Variants in RASEF observed in about 807,000 individuals in gnomAD.
RASEF encodes the protein RAS and EF-hand domain containing, also known as ras and EF-hand domain-containing protein.
Under a neutral mutation model 90.1 loss-of-function variants are expected in RASEF, and 68 were observed. That is an observed-to-expected ratio of 0.75 (90% CI 0.62 to 0.92). RASEF has a LOEUF of 0.92. Among genes scored for constraint, RASEF ranks in the 40% least tolerant of loss-of-function variants. The pLI is 0.00. For synonymous variants in RASEF, 331 were observed against 345.2 expected, an observed-to-expected ratio of 0.96 and a Z score of 0.46; for missense variants, 949 against 937.2, an observed-to-expected ratio of 1.01 and a Z score of -0.16.
chr9:83,167,196 G>C, the RASEF span, among the ~76,000 whole-genome samples: 5 of 151,806 alleles, frequency 3.3e-5, no homozygotes, highest in East Asian at 7.8e-4. Context: ...CTCAAAATCA[G>C]GCAATTTAGG....
chr9:83,136,114 ATAACAG>A, the RASEF span, among the ~76,000 whole-genome samples: 2 of 152,070 alleles, frequency 1.3e-5, no homozygotes, highest in Non-Finnish European at 2.9e-5. Flanking sequence ...TATAAAAACA[ATAACAG>A]TAAGACCATA....
chr9:83,026,183 T>C (rs1829545331), intron 1 of RASEF, among the ~76,000 whole-genome samples: 1 of 152,198 alleles, frequency 6.6e-6, no homozygotes, highest in South Asian at 2.1e-4. Context: ...TCCTGCTGTG[T>C]ATTTTTTAAT....
chr9:83,170,287 G>A, the RASEF span, among the ~76,000 whole-genome samples: 2 of 151,956 alleles, frequency 1.3e-5, no homozygotes, highest in African/African-American at 2.4e-5. Context: ...TGGTCTATGT[G>A]TCTGATTCTG....
At chr9:83,025,216 G>C (rs953703496) in intron 2 of RASEF, among the ~76,000 whole-genome samples, 8 of 152,158 alleles carry the variant, frequency 5.3e-5, no homozygotes, top group South Asian at 2.1e-4. Context: ...CAGTTCAAAG[G>C]GGGAGGGCCA....
the RASEF span, among the ~76,000 whole-genome samples, chr9:83,159,679 C>T: frequency 6.6e-6 from 1 of 152,152 alleles, no homozygotes; most frequent in Admixed American, 6.5e-5. Context: ...TACAAATTTG[C>T]ACCATTTATA....
At chr9:83,070,094 AT>A in the RASEF span, among the ~76,000 whole-genome samples, 1 of 150,314 alleles carries the variant, frequency 6.7e-6, no homozygotes, top group Non-Finnish European at 1.5e-5. Context: ...TTGCCTTTAC[AT>A]TTTTTTAATG....
chr9:83,036,942 C>A (rs1727782981), intron 1 of RASEF, among the ~76,000 whole-genome samples: 3 of 151,836 alleles, frequency 2.0e-5, no homozygotes, highest in Non-Finnish European at 4.4e-5. Flanking sequence ...CCATGGTGCA[C>A]CATGGTGCCC....
chr9:83,022,563 C>G, intron 2 of RASEF, 137 bp from the exon 3 acceptor site: 1 of 647,642 alleles, frequency 1.5e-6, no homozygotes, highest in Non-Finnish European at 2.7e-6. Flanking sequence ...ATTTCCCATT[C>G]CTTCTACATA....
the RASEF span, among the ~76,000 whole-genome samples, chr9:83,102,591 T>C: frequency 1.3e-5 from 2 of 152,084 alleles, no homozygotes; most frequent in African/African-American, 4.8e-5. Context: ...GCATGCTACA[T>C]CACCCAGGGC....
the RASEF span, among the ~76,000 whole-genome samples, chr9:83,121,058 T>C: frequency 1.1e-4 from 17 of 152,222 alleles, no homozygotes; most frequent in Non-Finnish European, 2.2e-4. Context: ...TTGGAGCAGA[T>C]TTAATTTTTG....
chr9:83,201,733 G>T, the RASEF span, among the ~76,000 whole-genome samples: 263 of 152,220 alleles, frequency 1.7e-3, 1 homozygote, highest in African/African-American at 6.1e-3. Flanking sequence ...ATGTAAGTAA[G>T]GAAAAATGCT....
the RASEF span, among the ~76,000 whole-genome samples, chr9:83,165,112 C>T: frequency 6.6e-6 from 1 of 152,018 alleles, no homozygotes; most frequent in Non-Finnish European, 1.5e-5. Flanking sequence ...AATGGAAAAT[C>T]AGTATGGACA....
At chr9:83,192,966 T>C in the RASEF span, among the ~76,000 whole-genome samples, 3 of 152,174 alleles carry the variant, frequency 2.0e-5, no homozygotes, top group Non-Finnish European at 4.4e-5. Flanking sequence ...AGGATTCTAG[T>C]GAGAAACAGG....
Position 83,022,410 on chromosome 9 carries a change from C to T in RASEF, c.595G>A (p.Ala199Thr). ...IAVKRAQDKAAMQLSELEEEM... is the reference protein window; with the variant it reads ...IAVKRAQDKATMQLSELEEEM... ...TCTTCCAACTCACTCAACTGCATAG[C>T]TGCCTTGTCCTGGGCTCTGAAATTC... is the stretch of plus-strand genomic sequence containing the variant. Residue 199 changes from alanine (A) to threonine (T), a missense_variant, in exon 3 of 17, where the codon GCT becomes ACT. Coordinates refer to ENST00000376447, the MANE Select transcript of RASEF (RefSeq NM_152573.4). 6.2e-7 allele frequency: 1 copy of T among 1,613,790 alleles called. No individual in the cohort carries two copies. Among genetic ancestry groups the T allele is most frequent in the Non-Finnish European group, 8.5e-7 (1 of 1,179,714 alleles).
At position 83,009,706 on chromosome 9, in the gene RASEF, G is replaced by A; in HGVS notation, c.894C>T (p.Ala298=). 6.2e-7 allele frequency: 1 copy of A among 1,613,638 alleles called. No homozygotes were observed. The highest frequency in any genetic ancestry group is 1.1e-5 in the South Asian group (1 of 91,062). The change falls in exon 6 of 17, where the codon GCC becomes GCT. Residue 298 remains alanine (A), a synonymous_variant. Coordinates refer to ENST00000376447, the MANE Select transcript of RASEF (RefSeq NM_152573.4). The stretch of plus-strand genomic sequence containing the variant: ...AAGCATCTAACTCACTCTGAAGAAA[G>A]GCTATGTTTGTCTGTGCTTCTAAAA... ...KDLLEAQTNI[A]FLQSELDALK...
intron 3 of RASEF, among the ~76,000 whole-genome samples, chr9:83,016,513 T>A (rs1393986907): frequency 6.6e-6 from 1 of 152,154 alleles, no homozygotes; most frequent in African/African-American, 2.4e-5. Context: ...TAATAAATGA[T>A]ACAATTTTAT....
At chr9:83,198,337 TTCTC>T in the RASEF span, among the ~76,000 whole-genome samples, 1 of 152,196 alleles carries the variant, frequency 6.6e-6, no homozygotes, top group Non-Finnish European at 1.5e-5. Context: ...CCCTTTCTCT[TTCTC>T]TTTACTGTCT....
chr9:83,148,190 G>A, the RASEF span, among the ~76,000 whole-genome samples: 5 of 151,994 alleles, frequency 3.3e-5, no homozygotes, highest in Non-Finnish European at 5.9e-5. Context: ...TACTTTCTAT[G>A]TTCAGAAAAT....
At chr9:83,132,635 AT>A in the RASEF span, among the ~76,000 whole-genome samples, 1 of 152,212 alleles carries the variant, frequency 6.6e-6, no homozygotes, top group East Asian at 1.9e-4. Context: ...CCCCTTCAGG[AT>A]TTTTTCAGAG....
Sources: gnomAD v4.1 joint callset for allele counts (sites outside exome capture counted in the v4.1 genomes callset) on GRCh38, gnomAD v4.1.1 for gene constraint, MANE v1.5 for transcripts, NCBI Gene and HGNC (gene_info 2026-07-23, HGNC 2026-07-21) for gene names.